The following RPTOR variants were observed in gnomAD, a reference collection of about 807,000 sequenced individuals.
RPTOR encodes the protein regulatory associated protein of MTOR complex 1.
Under a neutral mutation model 169.9 loss-of-function variants are expected in RPTOR, and 21 were observed. The ratio of observed to expected loss-of-function variants is 0.12; its 90% CI spans 0.09 to 0.18. The LOEUF (loss-of-function observed/expected upper bound fraction) is 0.18. Among genes scored for constraint, RPTOR ranks in the 10% least tolerant of loss-of-function variants. The pLI is 1.00. For synonymous variants in RPTOR, 732 were observed against 753.2 expected (o/e 0.97, Z 0.46); for missense variants, 1,133 against 1,855.9 (o/e 0.61, Z 7.16).
intron 6 of RPTOR, among the ~76,000 whole-genome samples, chr17:80,778,799 G>A (rs771144881): frequency 1.2e-4 from 18 of 152,162 alleles, no homozygotes; most frequent in Non-Finnish European, 2.2e-4. Context: ...GCAAGACCTG[G>A]TCTCTTAAAA....
intron 1 of RPTOR, among the ~76,000 whole-genome samples, chr17:80,567,032 A>G (rs12945242): frequency 0.18 from 27,564 of 151,314 alleles, 2,587 homozygotes; most frequent in East Asian, 0.27. Context: ...GTCCAATGGC[A>G]TGATCTCGGC....
At chr17:80,805,582 C>T (rs1415344350) in intron 7 of RPTOR, 3 of 152,162 alleles carry the variant, frequency 2.0e-5, no homozygotes, top group African/African-American at 4.8e-5. Context: ...GCCCTGACAC[C>T]GGGAAGCCCA....
At chr17:80,849,372 C>A (rs1421284516) in intron 11 of RPTOR, among the ~76,000 whole-genome samples, 1 of 152,190 alleles carries the variant, frequency 6.6e-6, no homozygotes, top group Non-Finnish European at 1.5e-5. Flanking sequence ...TGATTCGCAG[C>A]CCCTCCTGTA....
At chr17:80,686,075 A>T (rs1317900280) in intron 3 of RPTOR, among the ~76,000 whole-genome samples, 1 of 152,008 alleles carries the variant, frequency 6.6e-6, no homozygotes, top group African/African-American at 2.4e-5. Flanking sequence ...TCTAAGATAA[A>T]GGATTGGGAG....
At chr17:80,818,489 C>A (rs1469195610) in intron 7 of RPTOR, among the ~76,000 whole-genome samples, 1 of 152,116 alleles carries the variant, frequency 6.6e-6, no homozygotes, top group Non-Finnish European at 1.5e-5. Context: ...TGGTTAGGAT[C>A]AGGTACAGAA....
chr17:80,597,621 G>A (rs186766374), intron 1 of RPTOR, among the ~76,000 whole-genome samples: 101 of 152,090 alleles, frequency 6.6e-4, no homozygotes, highest in Middle Eastern at 3.4e-3. Context: ...CTGGCTCCTG[G>A]CTCCTCAGCT....
intron 3 of RPTOR, among the ~76,000 whole-genome samples, chr17:80,658,613 C>G (rs1251780853): frequency 6.6e-6 from 1 of 152,192 alleles, no homozygotes; most frequent in Non-Finnish European, 1.5e-5. Context: ...TTTCTAAGTA[C>G]TATCACTTAA....
At chr17:80,580,480 TTTCA>T (rs1480059947) in intron 1 of RPTOR, among the ~76,000 whole-genome samples, 4 of 152,314 alleles carry the variant, frequency 2.6e-5, no homozygotes, top group South Asian at 2.1e-4. Flanking sequence ...CGCTTGACCG[TTTCA>T]TTGTTTTAAT....
At chr17:80,822,067 C>T (rs1247859204) in intron 7 of RPTOR, 134 bp from the exon 8 acceptor site, 4 of 768,330 alleles carry the variant, frequency 5.2e-6, no homozygotes, top group South Asian at 3.0e-5. Flanking sequence ...TGCCGTGCGC[C>T]AAGCTTCTGC....
At chr17:80,664,125 A>G (rs59174578) in intron 3 of RPTOR, among the ~76,000 whole-genome samples, 8,017 of 152,182 alleles carry the variant, frequency 0.053, 265 homozygotes, top group Non-Finnish European at 0.079. Context: ...GACTTAGCGC[A>G]GAGGGCTCTT....
At chr17:80,826,388 T>C (rs1481275107) in intron 9 of RPTOR, among the ~76,000 whole-genome samples, 1 of 152,190 alleles carries the variant, frequency 6.6e-6, no homozygotes, top group Non-Finnish European at 1.5e-5. Flanking sequence ...CCCGGCCGGC[T>C]GTGCAGAGCT....
At chr17:80,828,232 C>G (rs1042258429) in intron 9 of RPTOR, among the ~76,000 whole-genome samples, 1 of 152,192 alleles carries the variant, frequency 6.6e-6, no homozygotes, top group Non-Finnish European at 1.5e-5. Context: ...GGGAGTGGCA[C>G]TTAGCGACCT....
At chr17:80,931,513 G>C (rs139171668) in intron 24 of RPTOR, among the ~76,000 whole-genome samples, 18 of 152,330 alleles carry the variant, frequency 1.2e-4, no homozygotes, top group African/African-American at 3.8e-4. Context: ...GGTGGGACAC[G>C]AGAAGAGCCC....
chr17:80,615,107 C>T lies in RPTOR; in HGVS notation c.163-10584C>T, dbSNP rs550515094. Among the ~76,000 whole-genome samples, 35 of 152,190 alleles carry T rather than the reference C, an allele frequency of 2.3e-4. No individual in the cohort carries two copies. In the East Asian group the frequency reaches 5.2e-3, roughly 23 times the overall value. On this transcript the variant is annotated intron_variant, in intron 1 of 33. Transcript: ENST00000306801. ...CGGAGAAAATATCTGAGTCTGTTCC[C>T]GCCAGGTTAAATAGAAAGGGGATTT...
rs1357059941 is a variant in RPTOR, at chr17:80,576,390, C to T, written c.162+30599C>T. Among the ~76,000 whole-genome samples, 8 of 152,186 alleles carry T rather than the reference C, an allele frequency of 5.3e-5. No individual in the cohort carries two copies. In the East Asian group the frequency reaches 5.8e-4, roughly 11 times the overall value. ...GGAATACTGAAAAAAGTACAACGTCCGTCATGACCTTTATTCTTTTCTTAG... is the reference window on the plus strand; with the variant it reads ...GGAATACTGAAAAAAGTACAACGTCTGTCATGACCTTTATTCTTTTCTTAG... On this transcript the variant is annotated intron_variant, in intron 1 of 33. Transcript: ENST00000306801.
Position 80,605,015 on chromosome 17 carries a change from C to T in RPTOR, c.163-20676C>T, listed in dbSNP as rs938915672. On this transcript the variant is annotated intron_variant, in intron 1 of 33. Coordinates refer to ENST00000306801, the MANE Select transcript of RPTOR (RefSeq NM_020761.3). Reference sequence around the variant, plus strand: ...GCTCATGTGATCCTCTTGCCTCGTCCTCCCAAAGTGCTGGGATTATAGGTG... The same window carrying T: ...GCTCATGTGATCCTCTTGCCTCGTCTTCCCAAAGTGCTGGGATTATAGGTG... Among the ~76,000 whole-genome samples, 9 of 151,936 alleles carry T rather than the reference C, an allele frequency of 5.9e-5. No individual in the cohort carries two copies. In the South Asian group the frequency reaches 1.9e-3, roughly 32 times the overall value.
rs573666925 is a variant in RPTOR, at chr17:80,908,620, C to G, written c.2402-191C>G. The stretch of plus-strand genomic sequence containing the variant: ...CAGTAGATGAATCCATGTGATCAAG[C>G]CTAGTGATCAGCTAGGATTCTTGAA... On this transcript the variant is annotated intron_variant, in intron 20 of 33. Transcript: ENST00000306801. Among the ~76,000 whole-genome samples the G allele has an allele frequency of 1.1e-4, 17 of 152,320 alleles. 1 individual carries two copies. The South Asian group carries it at 3.5e-3, about 32-fold the overall frequency.
chr17:80,567,785 CTG>C (rs1458295635), intron 1 of RPTOR, among the ~76,000 whole-genome samples: 3 of 146,998 alleles, frequency 2.0e-5, no homozygotes, highest in Non-Finnish European at 4.5e-5. Context: ...GAGTGAGACT[CTG>C]TATCAAAAAA....
rs34303133 is a variant in RPTOR at position 80,834,395 on chromosome 17, A to C, written c.1137-3527A>C. ...AGCCCTGGGTAGCCGGACGGCCCCG[A>C]GCAGCCTCCGTGCATCGTCTGGGCG... On this transcript the variant is annotated intron_variant, in intron 9 of 33. Coordinates refer to ENST00000306801, the MANE Select transcript of RPTOR (RefSeq NM_020761.3). Among the ~76,000 whole-genome samples, 327 of 152,238 alleles carry C rather than the reference A, an allele frequency of 2.1e-3. 1 individual carries two copies. Among genetic ancestry groups the C allele is most frequent in the Non-Finnish European group, 3.9e-3 (264 of 68,016 alleles).
Sources: allele counts gnomAD v4.1 joint callset (sites outside exome capture counted in the v4.1 genomes callset), GRCh38; gene constraint gnomAD v4.1.1; transcripts MANE v1.5; gene names NCBI Gene and HGNC (gene_info 2026-07-23, HGNC 2026-07-21).